GDPD3: variants seen among roughly 807,000 people sequenced by gnomAD.
GDPD3 encodes the protein lysophospholipase D GDPD3.
A neutral mutation model predicts 43.7 loss-of-function variants in GDPD3; 40 were observed. The observed-to-expected ratio is 0.91, with a 90% confidence interval of 0.71 to 1.19. The LOEUF (loss-of-function observed/expected upper bound fraction) is 1.19. Ranked by LOEUF, GDPD3 falls within the 50% of genes most tolerant of loss-of-function variation. GDPD3 has a pLI of 0.00. For synonymous variants in GDPD3, 145 were observed against 162.9 expected (o/e 0.89, Z 0.84); for missense variants, 363 against 415.8 (o/e 0.87, Z 1.11).
chr16:30,112,157 G>C lies in GDPD3; in HGVS notation c.548C>G (p.Ser183Trp). Residue 183 changes from serine (S) to tryptophan (W), a missense_variant, in exon 6 of 10, where the codon TCG becomes TGG. Coordinates refer to ENST00000406256, the MANE Select transcript of GDPD3 (RefSeq NM_024307.3). The surrounding 1 kb of genome is among the most constrained non-coding windows in gnomAD (Gnocchi z 5.4). ...GGCAGCCTTGCATTTCTTCATGACC[G>C]AGCTCTTCTCCGAGGCCCAGATGGT... ...EITIWASEKS[S>W]VMKKCKAANP... 8 of 1,613,954 alleles carry C rather than the reference G, an allele frequency of 5.0e-6. No individual in the cohort carries two copies. Among genetic ancestry groups the C allele is most frequent in the Non-Finnish European group, 6.8e-6 (8 of 1,179,944 alleles).
rs1298157281 is a variant in GDPD3 at position 30,104,896 on chromosome 16, A to T, written c.933T>A (p.His311Gln). The change falls in exon 10 of 10, where the codon CAT becomes CAA. Residue 311 changes from histidine to glutamine, a missense_variant. By Grantham distance (24) the His-to-Gln change is conservative. Transcript: ENST00000406256. ...CTTAGGAGGTCCGGGCAGCTGGTCCATGGTTGTCCAGGTAGTGCCGCAGGG... is the reference window on the plus strand; with the variant it reads ...CTTAGGAGGTCCGGGCAGCTGGTCCTTGGTTGTCCAGGTAGTGCCGCAGGG... The part of the protein sequence containing the change: ...PTALRHYLDN[H>Q]GPAARTS The T allele has an allele frequency of 6.2e-7, 1 of 1,612,498 alleles. No homozygotes were observed. Among genetic ancestry groups the T allele is most frequent in the Non-Finnish European group, 8.5e-7 (1 of 1,180,012 alleles).
chr16:30,106,101 ACT>A (rs1418274922), intron 9 of GDPD3, among the ~76,000 whole-genome samples: 1 of 152,050 alleles, frequency 6.6e-6, no homozygotes, highest in African/African-American at 2.4e-5. Flanking sequence ...ACAGAGCAAG[ACT>A]CTGTCTCAAA....
Position 30,111,585 on chromosome 16 carries a change from C to T in GDPD3, c.574-64G>A, listed in dbSNP as rs1485983216. 1.4e-5 allele frequency: 22 copies of T among 1,575,658 alleles called. No individual in the cohort carries two copies. The Admixed American group carries it at 3.8e-4, about 27-fold the overall frequency. On this transcript the variant is annotated intron_variant, in intron 6 of 9. Coordinates refer to ENST00000406256, the MANE Select transcript of GDPD3 (RefSeq NM_024307.3). ...TGGGGAAGCAGAGAGGAGGCATGAGCTGCAGGGGAGCCGTGGTGGGCATTC... is the reference window on the plus strand; with the variant it reads ...TGGGGAAGCAGAGAGGAGGCATGAGTTGCAGGGGAGCCGTGGTGGGCATTC...
rs748838280 is a variant in GDPD3, at chr16:30,112,324, G to C, written c.465C>G (p.Asn155Lys). 39 of 1,614,042 alleles carry C rather than the reference G, an allele frequency of 2.4e-5. No homozygotes were observed. Among genetic ancestry groups the C allele is most frequent in the Non-Finnish European group, 3.2e-5 (38 of 1,180,032 alleles). Residue 155 changes from asparagine (N) to lysine (K), a missense_variant, in exon 5 of 10, where the codon AAC becomes AAG. Coordinates refer to ENST00000406256, the MANE Select transcript of GDPD3 (RefSeq NM_024307.3). The surrounding 1 kb of genome is among the most constrained non-coding windows in gnomAD (Gnocchi z 5.4). ...TPMSVEIKGK[N>K]EELIREIAGL... ...GCACCACCTCACGGATGAGCTCTTC[G>C]TTCTTCCCTTTGATCTCTACGCTCA...
Position 30,112,445 on chromosome 16 carries a change from G to A in GDPD3, c.365-21C>T, listed in dbSNP as rs771873871. ...GTGGCCTGGGGGTGGTGTGGGAAAA[G>A]GGGTCAGAGGGAAGCCAAGGCGGAG... On this transcript the variant is annotated intron_variant, in intron 4 of 9. Coordinates refer to ENST00000406256, the MANE Select transcript of GDPD3 (RefSeq NM_024307.3). The surrounding 1 kb of genome is among the most constrained non-coding windows in gnomAD (Gnocchi z 5.4). 1 of 1,614,050 alleles carries A rather than the reference G, an allele frequency of 6.2e-7. No homozygotes were observed. The highest frequency in any genetic ancestry group is 1.1e-5 in the South Asian group (1 of 91,086).
intron 9 of GDPD3, chr16:30,107,864 C>T: frequency 6.0e-6 from 1 of 167,874 alleles, no homozygotes; most frequent in Non-Finnish European, 1.3e-5. Context: ...GTGGCAGGCA[C>T]CTGTAGTCCC....
intron 7 of GDPD3, among the ~76,000 whole-genome samples, chr16:30,108,862 T>C (rs1484459949): frequency 6.6e-6 from 1 of 151,846 alleles, no homozygotes; most frequent in Non-Finnish European, 1.5e-5. Context: ...GACAGAGTCT[T>C]GCTCTGTCGC....
chr16:30,109,044 A>G (rs530376935), intron 7 of GDPD3, among the ~76,000 whole-genome samples: 3 of 151,896 alleles, frequency 2.0e-5, no homozygotes, highest in Non-Finnish European at 2.9e-5. Context: ...GTTAGCCAGG[A>G]TGGTCTCGAT....
Position 30,108,451 on chromosome 16 carries a change from G to A in GDPD3, c.708-19C>T, listed in dbSNP as rs61764622. The A allele has an allele frequency of 1.0e-3, 1,612 of 1,613,142 alleles. 22 individuals are homozygous for A. In the African/African-American group the frequency reaches 0.02, roughly 20 times the overall value. ...ATAGGTCCTGCAGAGAGAAGGAAGTGGGGGTTAGCTCCTAGGGTCTCCCCT... is the reference window on the plus strand; with the variant it reads ...ATAGGTCCTGCAGAGAGAAGGAAGTAGGGGTTAGCTCCTAGGGTCTCCCCT... On this transcript the variant is annotated intron_variant, in intron 7 of 9. Transcript: ENST00000406256.
rs143444520 is a variant in GDPD3, at chr16:30,105,493, A to ATTATTTAT, written c.820-492_820-485dup. Among the ~76,000 whole-genome samples, 3 of 150,758 alleles carry ATTATTTAT rather than the reference A, an allele frequency of 2.0e-5. No individual in the cohort carries two copies. In the East Asian group the frequency reaches 5.9e-4, roughly 29 times the overall value. ...AAAAATTATATATACTGACAATTAAATTATTTATTTATTTATTTATTTATT... is the reference window on the plus strand; with the variant it reads ...AAAAATTATATATACTGACAATTAAATTATTTATTTATTTATTTATTTATTTATTTATT... On this transcript the variant is annotated intron_variant, in intron 9 of 9. Transcript: ENST00000406256.
intron 9 of GDPD3, among the ~76,000 whole-genome samples, chr16:30,106,129 AAAAAC>A (rs1244802578): frequency 2.0e-5 from 3 of 151,734 alleles, no homozygotes; most frequent in African/African-American, 7.3e-5. Context: ...AAACAAAACA[AAAAAC>A]AAAACCCAAA....
intron 7 of GDPD3, 77 bp downstream of exon 7, chr16:30,111,311 T>G (rs1300457821): frequency 1.3e-6 from 2 of 1,507,578 alleles, no homozygotes; most frequent in Non-Finnish European, 1.8e-6. Context: ...GCTGGGGAGC[T>G]GGGAAGATCT....
chr16:30,112,666 C>T lies in GDPD3; in HGVS notation c.310G>A (p.Asp104Asn), dbSNP rs1567351994. Residue 104 changes from aspartate to asparagine, a missense_variant, in exon 3 of 10, where the codon GAC becomes AAC. Coordinates refer to ENST00000406256, the MANE Select transcript of GDPD3 (RefSeq NM_024307.3). The surrounding 1 kb of genome is among the most constrained non-coding windows in gnomAD (Gnocchi z 5.4). ...GTCAGGGCAGGGCCCACCTCGAAGTCCAGGCTGCCCACATCCCTGTTTAGG... is the reference window on the plus strand; with the variant it reads ...GTCAGGGCAGGGCCCACCTCGAAGTTCAGGCTGCCCACATCCCTGTTTAGG... ...SGLNRDVGSLDFEDLPLYKEK... is the reference protein window; with the variant it reads ...SGLNRDVGSLNFEDLPLYKEK... The T allele has an allele frequency of 6.2e-7, 1 of 1,614,072 alleles. No individual in the cohort carries two copies. Among genetic ancestry groups the T allele is most frequent in the Non-Finnish European group, 8.5e-7 (1 of 1,180,004 alleles).
rs766771553 is a variant in GDPD3 at position 30,108,223 on chromosome 16, C to T, written c.809G>A (p.Arg270Gln). 27 of 1,602,780 alleles carry T rather than the reference C, an allele frequency of 1.7e-5. No individual in the cohort carries two copies. The highest frequency in any genetic ancestry group is 1.7e-4 in the Middle Eastern group (1 of 5,818). Residue 270 changes from arginine to glutamine, a missense_variant, in exon 9 of 10, where the codon CGA (arginine) becomes CAA (glutamine). By Grantham distance (43) the Arg-to-Gln change is conservative. Coordinates refer to ENST00000406256, the MANE Select transcript of GDPD3 (RefSeq NM_024307.3). ...RKSLIRHLEERGVQVVFWCLN... is the reference protein window; with the variant it reads ...RKSLIRHLEEQGVQVVFWCLN... Reference sequence around the variant, plus strand: ...TGGTCACGGCCTCACCTGCACCCCTCGCTCCTCCAAGTGTCGGATCAGACT... The same window carrying T: ...TGGTCACGGCCTCACCTGCACCCCTTGCTCCTCCAAGTGTCGGATCAGACT...
In GDPD3 at chr16:30,113,169, A is replaced by G. The variant is rs1366142609; in HGVS notation, c.140-105T>C. The G allele has an allele frequency of 4.3e-5, 59 of 1,358,752 alleles. 1 individual carries two copies. In the Admixed American group the frequency reaches 1.2e-3, roughly 27 times the overall value. 84.2% of individuals were successfully genotyped at this position (1,358,752 alleles called of 1,614,324 possible). On this transcript the variant is annotated intron_variant, in intron 1 of 9. Transcript: ENST00000406256. This position sits in a 1 kb window ranked among gnomAD's most constrained non-coding sequence, Gnocchi z 5.9. ...TGGGCTCCATCCTCCCTCTGGCCTC[A>G]CCTCCCCAGCCAGCCCAGGCTGCGC...
At position 30,112,461 on chromosome 16, in the gene GDPD3, C is replaced by T. The variant is rs2072908789; in HGVS notation, c.365-37G>A. The T allele has an allele frequency of 6.2e-7, 1 of 1,613,752 alleles. No homozygotes were observed. The highest frequency in any genetic ancestry group is 1.1e-5 in the South Asian group (1 of 91,080). On this transcript the variant is annotated intron_variant, in intron 4 of 9. Transcript: ENST00000406256. This position sits in a 1 kb window ranked among gnomAD's most constrained non-coding sequence, Gnocchi z 5.4. ...GTGGGAAAAGGGGTCAGAGGGAAGC[C>T]AAGGCGGAGGTCCAAGGAAGGCAGG...
At chr16:30,108,145 G>GCAGCAGAGTGGGA (rs1211749995) in intron 9 of GDPD3, 68 bp downstream of exon 9, 3 of 1,383,934 alleles carry the variant, frequency 2.2e-6, no homozygotes, top group Non-Finnish European at 3.0e-6. Context: ...CAGCTAGTTG[G>GCAGCAGAGTGGGA]CAGCAGAGTG....
chr16:30,112,267 C>G lies in GDPD3; in HGVS notation c.483+39G>C, dbSNP rs373080967. The G allele has an allele frequency of 1.2e-6, 2 of 1,612,794 alleles. No homozygotes were observed. Among genetic ancestry groups the G allele is most frequent in the South Asian group, 2.2e-5 (2 of 91,064 alleles). ...TGAAGGGAGAGCCAGGCCTCTCTCA[C>G]GCCCCCGGTGGCCGCCCTAGCCCTG... On this transcript the variant is annotated intron_variant, in intron 5 of 9. Transcript: ENST00000406256. This position sits in a 1 kb window ranked among gnomAD's most constrained non-coding sequence, Gnocchi z 5.4.
rs1029600145 is a variant in GDPD3 at position 30,104,862 on chromosome 16, G to C, written c.*10C>G. 2.5e-6 allele frequency: 4 copies of C among 1,611,278 alleles called. No individual in the cohort carries two copies. The highest frequency in any genetic ancestry group is 3.4e-6 in the Non-Finnish European group (4 of 1,179,430). On this transcript the variant is annotated 3_prime_UTR_variant, in exon 10 of 10. Transcript: ENST00000406256. ...AGGAAGAGAAACAGGAGACCTCGAG[G>C]CTTCTGGACTTAGGAGGTCCGGGCA...
Sources: allele counts gnomAD v4.1 joint callset (sites outside exome capture counted in the v4.1 genomes callset), GRCh38; gene constraint gnomAD v4.1.1; non-coding constraint Gnocchi (gnomAD v3.1); transcripts MANE v1.5; gene names NCBI Gene and HGNC (gene_info 2026-07-23, HGNC 2026-07-21).